CNTN5: variants seen among roughly 807,000 people sequenced by gnomAD.
CNTN5 encodes the protein contactin-5.
A neutral mutation model predicts 129.1 loss-of-function variants in CNTN5; 77 were observed. That is an observed-to-expected ratio of 0.60 (90% confidence interval 0.50 to 0.72). The LOEUF is 0.72. Ranked by LOEUF, CNTN5 falls within the 30% of genes least tolerant of loss-of-function variation. The pLI is 0.00. For missense variants in CNTN5, 1,478 were observed against 1,328.8 expected (o/e 1.11, Z -1.75); for synonymous variants, 509 against 465.6 (o/e 1.09, Z -1.20).
chr11:99,628,258 A>G (rs1951202402), intron 3 of CNTN5, among the ~76,000 whole-genome samples: 1 of 152,042 alleles, frequency 6.6e-6, no homozygotes, highest in African/African-American at 2.4e-5. Flanking sequence ...TGACCCATCT[A>G]GAAATTTCAT....
At chr11:100,059,289 A>C (rs1443735975) in intron 9 of CNTN5, among the ~76,000 whole-genome samples, 1 of 152,150 alleles carries the variant, frequency 6.6e-6, no homozygotes, top group African/African-American at 2.4e-5. Context: ...AATGCTACCA[A>C]ATACTTCAGA....
intron 2 of CNTN5, among the ~76,000 whole-genome samples, chr11:99,495,743 T>G (rs1470627775): frequency 6.6e-6 from 1 of 151,692 alleles, no homozygotes; most frequent in Non-Finnish European, 1.5e-5. Context: ...GAAGGGGGAG[T>G]GTTTTAATCC....
At chr11:99,483,728 A>C (rs1945696386) in intron 2 of CNTN5, among the ~76,000 whole-genome samples, 1 of 152,094 alleles carries the variant, frequency 6.6e-6, no homozygotes, top group Non-Finnish European at 1.5e-5. Flanking sequence ...AGAAATAGAA[A>C]AAAAAGAAGC....
intron 7 of CNTN5, among the ~76,000 whole-genome samples, chr11:99,954,818 T>C: frequency 6.6e-6 from 1 of 152,178 alleles, no homozygotes; most frequent in East Asian, 1.9e-4. Context: ...CTACTTTTTA[T>C]ACTTCTTGGA....
chr11:99,520,464 G>C lies in CNTN5; in HGVS notation c.-70-35681G>C, dbSNP rs183677432. Among the ~76,000 whole-genome samples the C allele has an allele frequency of 7.0e-4, 107 of 152,198 alleles. 1 individual carries two copies. Among genetic ancestry groups the C allele is most frequent in the African/African-American group, 2.4e-3 (98 of 41,546 alleles). The stretch of plus-strand genomic sequence containing the variant: ...GGATGATTAAGAAAAACAATGTAGG[G>C]AGCAGTTTCTTAAACTTCTTATTAA... On this transcript the variant is annotated intron_variant, in intron 2 of 24. Coordinates refer to ENST00000524871, the MANE Select transcript of CNTN5 (RefSeq NM_014361.4).
intron 2 of CNTN5, among the ~76,000 whole-genome samples, chr11:99,437,119 A>G (rs1943629541): frequency 6.6e-6 from 1 of 152,202 alleles, no homozygotes; most frequent in Non-Finnish European, 1.5e-5. Flanking sequence ...ATCTCAAAGT[A>G]AAGAATTGAA....
intron 1 of CNTN5, among the ~76,000 whole-genome samples, chr11:99,113,562 A>G (rs1226630737): frequency 1.3e-5 from 2 of 152,112 alleles, no homozygotes; most frequent in African/African-American, 4.8e-5. Flanking sequence ...AGAATTGCCT[A>G]TTTGAAATCT....
At chr11:99,831,601 C>T (rs540542972) in intron 4 of CNTN5, among the ~76,000 whole-genome samples, 16 of 151,868 alleles carry the variant, frequency 1.1e-4, no homozygotes, top group African/African-American at 3.4e-4. Flanking sequence ...CAGCAGACTG[C>T]CAGTGACCAT....
At chr11:100,268,139 T>C (rs1356608587) in intron 17 of CNTN5, among the ~76,000 whole-genome samples, 1 of 152,162 alleles carries the variant, frequency 6.6e-6, no homozygotes, top group Non-Finnish European at 1.5e-5. Flanking sequence ...ACCTTCATAA[T>C]TGGAACAGAT....
intron 1 of CNTN5, among the ~76,000 whole-genome samples, chr11:99,267,905 A>AGC (rs1250664417): frequency 7.1e-5 from 9 of 127,404 alleles, no homozygotes; most frequent in South Asian, 2.7e-4. Context: ...CTATCAAGTA[A>AGC]ACACACACAC....
At chr11:100,191,575 C>T (rs181146608) in intron 14 of CNTN5, among the ~76,000 whole-genome samples, 199 of 152,102 alleles carry the variant, frequency 1.3e-3, no homozygotes, top group African/African-American at 4.6e-3. Context: ...TATTTTTCCT[C>T]TACCAAGAAT....
intron 13 of CNTN5, among the ~76,000 whole-genome samples, chr11:100,167,474 A>G (rs1947676718): frequency 6.6e-6 from 1 of 151,862 alleles, no homozygotes; most frequent in Non-Finnish European, 1.5e-5. Flanking sequence ...CATGTTAGAC[A>G]CGAGAGATAC....
chr11:99,744,726 A>AG (rs998107177), intron 3 of CNTN5, among the ~76,000 whole-genome samples: 2 of 150,548 alleles, frequency 1.3e-5, no homozygotes, highest in Admixed American at 1.3e-4. Context: ...TCTCAGAAAA[A>AG]AAAAAAAAAA....
chr11:100,316,620 A>G (rs1236852444), intron 21 of CNTN5, among the ~76,000 whole-genome samples: 1 of 152,172 alleles, frequency 6.6e-6, no homozygotes, highest in Non-Finnish European at 1.5e-5. Context: ...CAACAATAAA[A>G]TAGTTATATT....
chr11:99,760,833 A>G (rs1243849884), intron 3 of CNTN5, among the ~76,000 whole-genome samples: 1 of 151,936 alleles, frequency 6.6e-6, no homozygotes, highest in Non-Finnish European at 1.5e-5. Context: ...TATTTATTAC[A>G]CACACACACA....
At chr11:99,437,747 T>C (rs1347038348) in intron 2 of CNTN5, among the ~76,000 whole-genome samples, 3 of 152,106 alleles carry the variant, frequency 2.0e-5, no homozygotes, top group African/African-American at 4.8e-5. Flanking sequence ...CGCCTGAACC[T>C]GAGAGGCAGA....
intron 8 of CNTN5, among the ~76,000 whole-genome samples, chr11:99,959,343 G>A (rs1336694673): frequency 6.6e-6 from 1 of 152,014 alleles, no homozygotes; most frequent in Non-Finnish European, 1.5e-5. Context: ...ATTGCCTCAC[G>A]ACCACCACTT....
At chr11:99,950,626 C>T (rs1192962659) in intron 7 of CNTN5, among the ~76,000 whole-genome samples, 1 of 152,140 alleles carries the variant, frequency 6.6e-6, no homozygotes, top group Non-Finnish European at 1.5e-5. Context: ...GAAATTAAAT[C>T]CAATTGTACG....
intron 3 of CNTN5, among the ~76,000 whole-genome samples, chr11:99,776,854 C>G (rs1163084225): frequency 6.6e-6 from 1 of 151,808 alleles, no homozygotes; most frequent in Admixed American, 6.6e-5. Flanking sequence ...GAAATATTTA[C>G]AAGACTACTT....
Sources: gnomAD v4.1 joint callset for allele counts (sites outside exome capture counted in the v4.1 genomes callset) on GRCh38, gnomAD v4.1.1 for gene constraint, MANE v1.5 for transcripts, NCBI Gene and HGNC (gene_info 2026-07-23, HGNC 2026-07-21) for gene names.